The following MYO1D variants were observed in gnomAD, a reference collection of about 807,000 sequenced individuals.
The protein encoded by MYO1D is unconventional myosin-Id.
Under a neutral mutation model 122.0 loss-of-function variants are expected in MYO1D, and 83 were observed. That is an observed-to-expected ratio of 0.68 (90% CI 0.57 to 0.82). The LOEUF is 0.82. MYO1D is among the 40% of genes least tolerant of loss of function. The probability of loss-of-function intolerance (pLI) is 0.00; values close to 1 mark genes in which losing one functional copy is unlikely to be tolerated. For missense variants in MYO1D, 1,157 were observed against 1,269.5 expected (o/e 0.91, Z 1.35); for synonymous variants, 464 against 446.9 (o/e 1.04, Z -0.48).
chr17:32,608,854 C>G (rs2087663241), intron 20 of MYO1D, among the ~76,000 whole-genome samples: 3 of 152,168 alleles, frequency 2.0e-5, no homozygotes, highest in Non-Finnish European at 2.9e-5. Flanking sequence ...TGACATGCAA[C>G]AACATAGATA....
intron 1 of MYO1D, among the ~76,000 whole-genome samples, chr17:32,832,130 T>C (rs536374286): frequency 1.3e-4 from 19 of 151,968 alleles, no homozygotes; most frequent in Non-Finnish European, 2.2e-4. Flanking sequence ...CTTTTTTTTT[T>C]TGAGACAGGG....
rs998205131 is a variant in MYO1D at position 32,735,565 on chromosome 17, G to C, written c.1746+2688C>G. Among the ~76,000 whole-genome samples the C allele has an allele frequency of 2.0e-5, 3 of 148,704 alleles. No individual in the cohort carries two copies. The Admixed American group carries it at 2.0e-4, about 10-fold the overall frequency. ...GATCTATTAGATAAAGTTTAAATTT[G>C]GTTTTCAAAGCTTCTGCATTCTCAC... On this transcript the variant is annotated intron_variant, in intron 14 of 21. Transcript: ENST00000318217.
chr17:32,696,465 C>A (rs1425500721), intron 16 of MYO1D, among the ~76,000 whole-genome samples: 4 of 152,132 alleles, frequency 2.6e-5, no homozygotes, highest in Admixed American at 2.0e-4. Context: ...AAATTAGAGG[C>A]TGCCAAGCTC....
intron 13 of MYO1D, among the ~76,000 whole-genome samples, chr17:32,744,517 A>G (rs1395195661): frequency 2.0e-5 from 3 of 152,224 alleles, no homozygotes; most frequent in Non-Finnish European, 4.4e-5. Context: ...CCCAGAACAT[A>G]GAAGAAAGTG....
intron 16 of MYO1D, among the ~76,000 whole-genome samples, chr17:32,696,063 T>A (rs540726514): frequency 6.6e-6 from 1 of 152,320 alleles, no homozygotes; most frequent in Non-Finnish European, 1.5e-5. Flanking sequence ...TGTGATGACA[T>A]CATCACTCTG....
intron 21 of MYO1D, among the ~76,000 whole-genome samples, chr17:32,578,889 C>T (rs542120930): frequency 6.6e-6 from 1 of 152,144 alleles, no homozygotes; most frequent in Non-Finnish European, 1.5e-5. Context: ...TGACTTCCTC[C>T]TGCTTTGGCG....
At chr17:32,675,497 T>C (rs533657436) in intron 16 of MYO1D, among the ~76,000 whole-genome samples, 7 of 152,308 alleles carry the variant, frequency 4.6e-5, no homozygotes, top group East Asian at 1.9e-4. Flanking sequence ...GGTTTCTTAA[T>C]TGAGTTATAT....
intron 21 of MYO1D, among the ~76,000 whole-genome samples, chr17:32,557,033 T>C (rs1322101272): frequency 6.6e-6 from 1 of 152,034 alleles, no homozygotes; most frequent in South Asian, 2.1e-4. Flanking sequence ...ATGATGAATG[T>C]AGAGAATGGC....
At chr17:32,813,763 A>G (rs574819880) in intron 1 of MYO1D, among the ~76,000 whole-genome samples, 1 of 152,290 alleles carries the variant, frequency 6.6e-6, no homozygotes, top group African/African-American at 2.4e-5. Flanking sequence ...AGCTATGGAG[A>G]CCAGTTAAGA....
chr17:32,867,865 G>A, intron 1 of MYO1D, among the ~76,000 whole-genome samples: 1 of 131,646 alleles, frequency 7.6e-6, no homozygotes, highest in Non-Finnish European at 1.6e-5. Context: ...GAGATTATAT[G>A]AAAAACATAT....
chr17:32,772,656 G>A, intron 5 of MYO1D, 133 bp downstream of exon 5: 1 of 733,510 alleles, frequency 1.4e-6, no homozygotes, highest in South Asian at 1.6e-5. Context: ...GTGCGTGCGT[G>A]CGTGCATGCG....
intron 1 of MYO1D, among the ~76,000 whole-genome samples, chr17:32,844,236 T>C (rs947223041): frequency 4.1e-5 from 6 of 147,450 alleles, no homozygotes; most frequent in African/African-American, 1.5e-4. Flanking sequence ...ATATATCATG[T>C]ATGTGTATAT....
intron 7 of MYO1D, among the ~76,000 whole-genome samples, chr17:32,767,100 T>C (rs902443351): frequency 2.6e-5 from 4 of 152,224 alleles, no homozygotes; most frequent in Admixed American, 6.5e-5. Context: ...TCTAATTATA[T>C]AAATGTTAAT....
At chr17:32,650,940 A>C (rs567093787) in intron 19 of MYO1D, among the ~76,000 whole-genome samples, 17 of 152,044 alleles carry the variant, frequency 1.1e-4, no homozygotes, top group African/African-American at 3.6e-4. Flanking sequence ...GTATGCTTGG[A>C]AACTTTTGAG....
At chr17:32,587,172 C>A (rs978500481) in intron 21 of MYO1D, among the ~76,000 whole-genome samples, 1 of 151,990 alleles carries the variant, frequency 6.6e-6, no homozygotes, top group African/African-American at 2.4e-5. Flanking sequence ...GTGACTTAAG[C>A]AAAAAGGAAA....
intron 1 of MYO1D, among the ~76,000 whole-genome samples, chr17:32,799,176 GAA>G (rs1266635517): frequency 6.6e-6 from 1 of 152,084 alleles, no homozygotes; most frequent in Non-Finnish European, 1.5e-5. Flanking sequence ...TAGTGGCAAA[GAA>G]AAGAGTCAAA....
chr17:32,562,746 G>T (rs1355530529), intron 21 of MYO1D, among the ~76,000 whole-genome samples: 2 of 152,192 alleles, frequency 1.3e-5, no homozygotes, highest in African/African-American at 4.8e-5. Flanking sequence ...GGGATTATAG[G>T]CGTGCGCCAC....
At chr17:32,526,627 G>T (rs1409886607) in intron 21 of MYO1D, among the ~76,000 whole-genome samples, 3 of 149,836 alleles carry the variant, frequency 2.0e-5, no homozygotes, top group African/African-American at 7.4e-5. Flanking sequence ...TTTGTGGGCT[G>T]GTAAGTATGG....
intron 1 of MYO1D, among the ~76,000 whole-genome samples, chr17:32,837,762 C>T (rs1286439930): frequency 6.6e-6 from 1 of 152,080 alleles, no homozygotes; most frequent in African/African-American, 2.4e-5. Flanking sequence ...CTGGCTTTTC[C>T]CCTATTTTTT....
Sources: gnomAD v4.1 joint callset for allele counts (sites outside exome capture counted in the v4.1 genomes callset) on GRCh38, gnomAD v4.1.1 for gene constraint, MANE v1.5 for transcripts, NCBI Gene and HGNC (gene_info 2026-07-23, HGNC 2026-07-21) for gene names.